Variants in TIAM1 observed in about 807,000 individuals in gnomAD.
TIAM1 encodes the protein rho guanine nucleotide exchange factor TIAM1.
Under a neutral mutation model 163.5 loss-of-function variants are expected in TIAM1, and 65 were observed. The ratio of observed to expected loss-of-function variants is 0.40; its 90% CI spans 0.33 to 0.49. The LOEUF (loss-of-function observed/expected upper bound fraction) is 0.49. Among genes scored for constraint, TIAM1 ranks in the 20% least tolerant of loss-of-function variants. TIAM1 has a pLI of 0.77. For synonymous variants in TIAM1, 833 were observed against 810.1 expected, an observed-to-expected ratio of 1.03 and a Z score of -0.48; for missense variants, 1,789 against 2,044.7, an observed-to-expected ratio of 0.87 and a Z score of 2.41.
chr21:31,151,803 T>C (rs565800570), intron 19 of TIAM1, among the ~76,000 whole-genome samples: 3 of 152,214 alleles, frequency 2.0e-5, no homozygotes, highest in Admixed American at 6.5e-5. Context: ...GCTTTGTTAA[T>C]TGGAGGTGCA....
chr21:31,458,795 T>C (rs1686010525), intron 2 of TIAM1, among the ~76,000 whole-genome samples: 1 of 152,082 alleles, frequency 6.6e-6, no homozygotes, highest in Admixed American at 6.6e-5. Context: ...TACTTCAGCT[T>C]AGGTTCTCAG....
chr21:31,487,080 T>A (rs2046297343), intron 1 of TIAM1, among the ~76,000 whole-genome samples: 1 of 152,214 alleles, frequency 6.6e-6, no homozygotes, highest in Non-Finnish European at 1.5e-5. Flanking sequence ...ACAACCTGGC[T>A]GCCCATCAGT....
chr21:31,308,532 T>C (rs1374784854), intron 2 of TIAM1, among the ~76,000 whole-genome samples: 3 of 152,006 alleles, frequency 2.0e-5, no homozygotes, highest in Non-Finnish European at 2.9e-5. Context: ...ATTTACTATA[T>C]TCTAAATGCT....
chr21:31,326,770 T>C (rs2075502465), intron 2 of TIAM1, among the ~76,000 whole-genome samples: 1 of 152,176 alleles, frequency 6.6e-6, no homozygotes, highest in Non-Finnish European at 1.5e-5. Context: ...TTGCCCTCCA[T>C]CCCTTCCCTA....
At chr21:31,174,795 C>A (rs1386599942) in intron 15 of TIAM1, among the ~76,000 whole-genome samples, 1 of 151,948 alleles carries the variant, frequency 6.6e-6, no homozygotes, top group East Asian at 1.9e-4. Flanking sequence ...TTACAGGCAC[C>A]TGCCACCACT....
chr21:31,169,683 C>T (rs746440365), intron 15 of TIAM1, among the ~76,000 whole-genome samples: 5 of 151,606 alleles, frequency 3.3e-5, no homozygotes, highest in African/African-American at 7.3e-5. Flanking sequence ...GGTATACAAG[C>T]GAAAATGATA....
chr21:31,518,943 C>T (rs1419927335), intron 1 of TIAM1, among the ~76,000 whole-genome samples: 3 of 152,114 alleles, frequency 2.0e-5, no homozygotes, highest in Non-Finnish European at 4.4e-5. Context: ...GCCTGTAATC[C>T]CAACACTTTG....
At chr21:31,412,898 G>A (rs2043249499) in intron 2 of TIAM1, among the ~76,000 whole-genome samples, 1 of 151,952 alleles carries the variant, frequency 6.6e-6, no homozygotes, top group South Asian at 2.1e-4. Flanking sequence ...TCTGACAGGA[G>A]GCAGAGCTCA....
intron 1 of TIAM1, among the ~76,000 whole-genome samples, chr21:31,555,891 G>C (rs928860884): frequency 1.3e-5 from 2 of 152,110 alleles, no homozygotes; most frequent in East Asian, 1.9e-4. Context: ...CGGCACACTA[G>C]AACTGCAGGA....
rs2146275063 is a variant in TIAM1, at chr21:31,141,716, A to C, written c.3476-212T>G. On this transcript the variant is annotated intron_variant, in intron 20 of 27. Transcript: ENST00000541036. The surrounding 1 kb of genome is among the most constrained non-coding windows in gnomAD (Gnocchi z 4.7). Reference sequence around the variant, plus strand: ...TTTATGTGTTGGGGGTGGGGTGGGGAGAAGCCTGATGAGTTAAAGGATGAC... The same window carrying C: ...TTTATGTGTTGGGGGTGGGGTGGGGCGAAGCCTGATGAGTTAAAGGATGAC... 6.6e-6 allele frequency among the ~76,000 whole-genome samples: 1 copy of C among 152,092 alleles called. No homozygotes were observed. The highest frequency in any genetic ancestry group is 2.1e-4 in the South Asian group (1 of 4,804).
At chr21:31,541,869 T>C (rs1601036827) in intron 1 of TIAM1, among the ~76,000 whole-genome samples, 1 of 152,320 alleles carries the variant, frequency 6.6e-6, no homozygotes, top group African/African-American at 2.4e-5. Context: ...AGTAAGCTGA[T>C]CCATGTGCAG....
chr21:31,387,503 G>A (rs557005434), intron 2 of TIAM1, among the ~76,000 whole-genome samples: 55 of 151,884 alleles, frequency 3.6e-4, no homozygotes, highest in African/African-American at 1.3e-3. Context: ...ATGAGCCACC[G>A]AGCCTGGCCT....
rs528078679 is a variant in TIAM1, at chr21:31,376,580, C to T, written c.-368-37158G>A. 2.6e-5 allele frequency among the ~76,000 whole-genome samples: 4 copies of T among 152,304 alleles called. No individual in the cohort carries two copies. The East Asian group carries it at 7.7e-4, about 29-fold the overall frequency. Reference sequence around the variant, plus strand: ...AAATTAGTTAGTGCTCCCCCAAACACACGCACAGCAGAGGGAGGAGGAGAT... The same window carrying T: ...AAATTAGTTAGTGCTCCCCCAAACATACGCACAGCAGAGGGAGGAGGAGAT... On this transcript the variant is annotated intron_variant, in intron 2 of 28. Transcript: ENST00000286827.
At chr21:31,353,360 T>C (rs889111157) in intron 2 of TIAM1, among the ~76,000 whole-genome samples, 1 of 152,198 alleles carries the variant, frequency 6.6e-6, no homozygotes, top group African/African-American at 2.4e-5. Context: ...AAGTGAGAAT[T>C]GCGGGTCAGC....
intron 25 of TIAM1, among the ~76,000 whole-genome samples, chr21:31,129,433 C>T (rs9978754): frequency 0.43 from 65,900 of 152,158 alleles, 15,252 homozygotes; most frequent in East Asian, 0.63. Flanking sequence ...AATCCCAACA[C>T]TTTGGGAGGC....
At chr21:31,407,383 A>C (rs1046566010) in intron 2 of TIAM1, among the ~76,000 whole-genome samples, 30 of 152,044 alleles carry the variant, frequency 2.0e-4, no homozygotes, top group African/African-American at 6.5e-4. Flanking sequence ...GGACCGAAAC[A>C]CGAAGAAGCG....
intron 1 of TIAM1, among the ~76,000 whole-genome samples, chr21:31,492,776 T>TACACACACACACACACACAC (rs3055373): frequency 7.2e-6 from 1 of 139,684 alleles, no homozygotes; most frequent in Non-Finnish European, 1.6e-5. Context: ...TATTTTGGGT[T>TACACACACACACACACACAC]ACACACACAC....
intron 2 of TIAM1, among the ~76,000 whole-genome samples, chr21:31,434,856 A>C (rs766496688): frequency 6.6e-6 from 1 of 152,216 alleles, no homozygotes; most frequent in Non-Finnish European, 1.5e-5. Context: ...TCCCACGGAG[A>C]CTTTTGCCAA....
At chr21:31,186,950 G>T in intron 14 of TIAM1, 51 bp downstream of exon 14, 4 of 1,472,368 alleles carry the variant, frequency 2.7e-6, no homozygotes, top group Non-Finnish European at 3.8e-6. Flanking sequence ...AACTAGAGAA[G>T]CCCCAAAGGG....
Sources: gnomAD v4.1 joint callset for allele counts (sites outside exome capture counted in the v4.1 genomes callset) on GRCh38, gnomAD v4.1.1 for gene constraint, Gnocchi (gnomAD v3.1) non-coding constraint, MANE v1.5 for transcripts, NCBI Gene and HGNC (gene_info 2026-07-23, HGNC 2026-07-21) for gene names.